The following SNTG2 variants were observed in gnomAD, a reference collection of about 807,000 sequenced individuals.
SNTG2 encodes the protein syntrophin gamma 2, also known as gamma-2-syntrophin.
Under a neutral mutation model 70.9 loss-of-function variants are expected in SNTG2, and 74 were observed. That is an observed-to-expected ratio of 1.04 (90% CI 0.86 to 1.27). The LOEUF is 1.27. Ranked by LOEUF, SNTG2 falls within the 50% of genes most tolerant of loss-of-function variation. The pLI is 0.00. For missense variants in SNTG2, 717 were observed against 690.7 expected, an observed-to-expected ratio of 1.04 and a Z score of -0.43; for synonymous variants, 278 against 273.8, an observed-to-expected ratio of 1.02 and a Z score of -0.15.
At chr2:1,023,054 C>T (rs1660281189) in intron 1 of SNTG2, among the ~76,000 whole-genome samples, 3 of 152,214 alleles carry the variant, frequency 2.0e-5, no homozygotes, top group African/African-American at 4.8e-5. Context: ...AAGTGGGAGA[C>T]ACCAGGAAAG....
intron 6 of SNTG2, chr2:1,159,347 T>TC (rs1473914910): frequency 2.0e-5 from 3 of 152,042 alleles, no homozygotes; most frequent in Non-Finnish European, 4.4e-5. Context: ...ACATTTTTTT[T>TC]CCAGAACACG....
intron 9 of SNTG2, among the ~76,000 whole-genome samples, chr2:1,219,128 T>C (rs2148017748): frequency 6.6e-6 from 1 of 152,042 alleles, no homozygotes; most frequent in Non-Finnish European, 1.5e-5. Context: ...AGTGAGTGAG[T>C]TCTCATGAGA....
At chr2:1,070,961 C>G (rs1162317091) in intron 1 of SNTG2, among the ~76,000 whole-genome samples, 1 of 152,184 alleles carries the variant, frequency 6.6e-6, no homozygotes, top group Non-Finnish European at 1.5e-5. Context: ...GTGCATTTAA[C>G]AAATGACATT....
At chr2:1,056,298 AGGGAGGGAGGGAGAGGCC>A (rs1261676236) in intron 1 of SNTG2, among the ~76,000 whole-genome samples, 1 of 4,986 alleles carries the variant, frequency 2.0e-4, no homozygotes, top group African/African-American at 1.1e-3. Context: ...TGCTGTGGGG[AGGGAGGGAGGGAGAGGCC>A]GCGCCGTGCT....
At chr2:1,047,908 A>G (rs1214574444) in intron 1 of SNTG2, among the ~76,000 whole-genome samples, 3 of 152,194 alleles carry the variant, frequency 2.0e-5, no homozygotes, top group Non-Finnish European at 2.9e-5. Flanking sequence ...TTAAAGTGTC[A>G]CCGCTTAGAA....
intron 16 of SNTG2, among the ~76,000 whole-genome samples, chr2:1,321,665 C>T (rs1385271657): frequency 1.3e-5 from 2 of 152,164 alleles, no homozygotes; most frequent in Non-Finnish European, 2.9e-5. Flanking sequence ...AGCAAAATGT[C>T]ATCCAACAGA....
intron 2 of SNTG2, among the ~76,000 whole-genome samples, chr2:1,089,878 A>G (rs1664909849): frequency 6.6e-6 from 1 of 152,220 alleles, no homozygotes; most frequent in African/African-American, 2.4e-5. Flanking sequence ...AATATTTATT[A>G]TATGCCAACA....
chr2:1,293,204 C>T (rs1159382825), intron 14 of SNTG2, among the ~76,000 whole-genome samples: 1 of 147,354 alleles, frequency 6.8e-6, no homozygotes, highest in Non-Finnish European at 1.5e-5. Context: ...GAAATGTCCC[C>T]TCTCTGATTT....
At chr2:1,321,474 G>A (rs184345581) in intron 16 of SNTG2, among the ~76,000 whole-genome samples, 58 of 152,302 alleles carry the variant, frequency 3.8e-4, no homozygotes, top group Admixed American at 3.0e-3. Context: ...TTAGGACCAC[G>A]GAGGGGGTGG....
At chr2:1,127,050 C>CCAT (rs1277766343) in intron 4 of SNTG2, among the ~76,000 whole-genome samples, 1 of 151,892 alleles carries the variant, frequency 6.6e-6, no homozygotes, top group African/African-American at 2.4e-5. Flanking sequence ...GTGTCCAGAA[C>CCAT]CATTGCCTCT....
At chr2:951,857 A>G (rs1339619029) in intron 1 of SNTG2, among the ~76,000 whole-genome samples, 1 of 152,036 alleles carries the variant, frequency 6.6e-6, no homozygotes, top group Non-Finnish European at 1.5e-5. Flanking sequence ...TGCATTGACA[A>G]CCACTCCTTT....
intron 2 of SNTG2, among the ~76,000 whole-genome samples, chr2:1,090,819 G>C (rs1230826898): frequency 6.6e-6 from 1 of 152,174 alleles, no homozygotes; most frequent in African/African-American, 2.4e-5. Flanking sequence ...CCAGAGGAAA[G>C]TCATAGACCA....
chr2:1,014,542 A>T (rs1210261120), intron 1 of SNTG2, among the ~76,000 whole-genome samples: 1 of 84,328 alleles, frequency 1.2e-5, no homozygotes, highest in East Asian at 2.5e-4. Context: ...CTGGAGAAGG[A>T]TTTATATGGG....
chr2:1,333,643 C>G (rs766422495), intron 16 of SNTG2, among the ~76,000 whole-genome samples: 2 of 152,158 alleles, frequency 1.3e-5, no homozygotes, highest in Admixed American at 6.6e-5. Context: ...CAAATACTTA[C>G]AGCCAACTGA....
intron 9 of SNTG2, among the ~76,000 whole-genome samples, chr2:1,220,608 A>C (rs1159343857): frequency 6.6e-6 from 1 of 152,216 alleles, no homozygotes; most frequent in Non-Finnish European, 1.5e-5. Flanking sequence ...TCATTACGCC[A>C]TCTTTAAATT....
intron 1 of SNTG2, among the ~76,000 whole-genome samples, chr2:1,062,921 C>A (rs1662917908): frequency 6.6e-6 from 1 of 152,152 alleles, no homozygotes; most frequent in African/African-American, 2.4e-5. Context: ...TACATACACA[C>A]ACAGCTTGGT....
chr2:961,054 A>G (rs1387831381), intron 1 of SNTG2, among the ~76,000 whole-genome samples: 1 of 152,194 alleles, frequency 6.6e-6, no homozygotes, highest in Admixed American at 6.5e-5. Flanking sequence ...TGATTTTATC[A>G]CCATTTTCTG....
At chr2:1,149,365 T>G (rs1669313917) in intron 6 of SNTG2, among the ~76,000 whole-genome samples, 1 of 152,046 alleles carries the variant, frequency 6.6e-6, no homozygotes, top group African/African-American at 2.4e-5. Context: ...ATACTGAAAG[T>G]GGCCAAGGAT....
chr2:1,222,045 CTGT>C (rs1675119394), intron 9 of SNTG2, among the ~76,000 whole-genome samples: 3 of 46,596 alleles, frequency 6.4e-5, no homozygotes, highest in African/African-American at 3.1e-4. Context: ...CTGTCTCTCT[CTGT>C]CTCTCTCTGT....
Sources: gnomAD v4.1 joint callset for allele counts (sites outside exome capture counted in the v4.1 genomes callset) on GRCh38, gnomAD v4.1.1 for gene constraint, MANE v1.5 for transcripts, NCBI Gene and HGNC (gene_info 2026-07-23, HGNC 2026-07-21) for gene names.